The following SLIT3 variants were observed in gnomAD, a reference collection of about 807,000 sequenced individuals.
SLIT3 encodes the protein slit guidance ligand 3.
Under a neutral mutation model 184.0 loss-of-function variants are expected in SLIT3, and 68 were observed. The observed-to-expected ratio is 0.37, with a 90% CI of 0.30 to 0.45. The LOEUF is 0.45. SLIT3 is among the 20% of genes least tolerant of loss of function. The pLI, the probability that SLIT3 is intolerant of heterozygous loss-of-function variation, is 1.00. For missense variants in SLIT3, 1,707 were observed against 2,026.0 expected, an observed-to-expected ratio of 0.84 and a Z score of 3.02; for synonymous variants, 831 against 828.6, an observed-to-expected ratio of 1.00 and a Z score of -0.05.
At chr5:168,877,718 C>G (rs558779513) in intron 5 of SLIT3, among the ~76,000 whole-genome samples, 1 of 152,156 alleles carries the variant, frequency 6.6e-6, no homozygotes, top group African/African-American at 2.4e-5. Context: ...GTTTTCAAAG[C>G]GTCAATTCCA....
chr5:168,778,807 G>A (rs1755858831), intron 12 of SLIT3, among the ~76,000 whole-genome samples: 1 of 152,234 alleles, frequency 6.6e-6, no homozygotes. Flanking sequence ...ACTGACAACT[G>A]TGACATCCCA....
At chr5:168,856,800 T>TGCGCGCGCGC (rs1328584244) in intron 5 of SLIT3, among the ~76,000 whole-genome samples, 1 of 141,432 alleles carries the variant, frequency 7.1e-6, no homozygotes, top group African/African-American at 2.9e-5. Context: ...TGTGTGTGTG[T>TGCGCGCGCGC]GTGTGTGCGC....
intron 8 of SLIT3, among the ~76,000 whole-genome samples, chr5:168,814,437 C>A (rs548305175): frequency 8.6e-5 from 13 of 151,842 alleles, no homozygotes; most frequent in African/African-American, 3.1e-4. Context: ...AAACACCCCA[C>A]CATAGACAGG....
chr5:169,090,402 T>G (rs1202535558), intron 4 of SLIT3, among the ~76,000 whole-genome samples: 1 of 152,176 alleles, frequency 6.6e-6, no homozygotes, highest in Non-Finnish European at 1.5e-5. Flanking sequence ...AACTGCAGCC[T>G]GCAGAGATCA....
intron 19 of SLIT3, 79 bp downstream of exon 19, chr5:168,749,393 G>T: frequency 6.6e-7 from 1 of 1,515,864 alleles, no homozygotes; most frequent in Non-Finnish European, 9.1e-7. Flanking sequence ...ATCTCAGGGA[G>T]TATCTGATTG....
At chr5:168,733,519 C>G (rs1763346499) in intron 20 of SLIT3, among the ~76,000 whole-genome samples, 1 of 152,084 alleles carries the variant, frequency 6.6e-6, no homozygotes, top group Non-Finnish European at 1.5e-5. Context: ...TTCACGATAG[C>G]AAAGATACGG....
intron 4 of SLIT3, among the ~76,000 whole-genome samples, chr5:169,145,068 G>T (rs905876719): frequency 2.0e-5 from 3 of 152,130 alleles, no homozygotes; most frequent in Non-Finnish European, 4.4e-5. Context: ...TAAGGGCAGC[G>T]AACCTTGTGA....
At chr5:168,884,116 GGTTT>G (rs1208968825) in intron 4 of SLIT3, among the ~76,000 whole-genome samples, 3 of 140,384 alleles carry the variant, frequency 2.1e-5, no homozygotes, top group Non-Finnish European at 4.7e-5. Flanking sequence ...TTTTTTTTTT[GGTTT>G]GTTTCCCACA....
Position 169,229,924 on chromosome 5 carries a change from A to G in SLIT3, c.341+14781T>C, listed in dbSNP as rs1764940732. Among the ~76,000 whole-genome samples, 3 of 152,170 alleles carry G rather than the reference A, an allele frequency of 2.0e-5. No individual in the cohort carries two copies. In the South Asian group the frequency reaches 6.2e-4, roughly 32 times the overall value. ...AAATTCGAGGTGCCGAAGATCCTAC[A>G]GCCATTCTTCTCAATGAACCTGTGC... On this transcript the variant is annotated intron_variant, in intron 3 of 35. Transcript: ENST00000519560.
At chr5:169,097,939 C>T (rs1436861677) in intron 4 of SLIT3, among the ~76,000 whole-genome samples, 1 of 152,122 alleles carries the variant, frequency 6.6e-6, no homozygotes, top group Non-Finnish European at 1.5e-5. Flanking sequence ...AGTAGGGAAC[C>T]CCCAGGGAGC....
At chr5:169,225,330 C>A (rs1328324014) in intron 3 of SLIT3, among the ~76,000 whole-genome samples, 1 of 152,242 alleles carries the variant, frequency 6.6e-6, no homozygotes, top group Non-Finnish European at 1.5e-5. Context: ...AGCAAAATCT[C>A]TCTAACTGGA....
intron 4 of SLIT3, among the ~76,000 whole-genome samples, chr5:169,112,604 A>G (rs1385978096): frequency 6.6e-6 from 1 of 151,546 alleles, no homozygotes. Context: ...GCTGCAAGGC[A>G]TACTTTCTAG....
chr5:168,789,732 G>A (rs1581084877), intron 10 of SLIT3, 101 bp from the exon 11 acceptor site: 1 of 856,268 alleles, frequency 1.2e-6, no homozygotes, highest in Non-Finnish European at 1.9e-6. Context: ...AAATGGTAAG[G>A]ATTAATCAAT....
At chr5:168,979,659 G>T (rs1164708110) in intron 4 of SLIT3, among the ~76,000 whole-genome samples, 1 of 152,160 alleles carries the variant, frequency 6.6e-6, no homozygotes, top group Non-Finnish European at 1.5e-5. Context: ...TTAACAGAAG[G>T]GGGCTGGGGC....
intron 4 of SLIT3, among the ~76,000 whole-genome samples, chr5:169,096,544 C>A (rs1759790472): frequency 6.6e-6 from 1 of 152,274 alleles, no homozygotes; most frequent in East Asian, 1.9e-4. Context: ...TTTAATAAAA[C>A]TTTATTTACA....
chr5:168,894,346 C>A (rs538981350), intron 4 of SLIT3, among the ~76,000 whole-genome samples: 41 of 152,238 alleles, frequency 2.7e-4, no homozygotes, highest in Non-Finnish European at 5.1e-4. Context: ...TGATGCATAG[C>A]TTTAAAAAAT....
At position 169,089,618 on chromosome 5, in the gene SLIT3, C is replaced by A. The variant is rs922085826; in HGVS notation, c.413+103861G>T. ...TCCTTCACTCTGGCTGTGGGTTCAC[C>A]AGTCACACTGACCTTTCAGACCCTG... On this transcript the variant is annotated intron_variant, in intron 4 of 35. Coordinates refer to ENST00000519560, the MANE Select transcript of SLIT3 (RefSeq NM_003062.4). Among the ~76,000 whole-genome samples the A allele has an allele frequency of 4.6e-5, 7 of 152,306 alleles. No individual in the cohort carries two copies. The Middle Eastern group carries it at 0.01, about 222-fold the overall frequency.
At chr5:169,194,047 A>C (rs1763658359) in intron 3 of SLIT3, among the ~76,000 whole-genome samples, 1 of 152,084 alleles carries the variant, frequency 6.6e-6, no homozygotes, top group Admixed American at 6.5e-5. Context: ...TCATTGGGCA[A>C]CATGGTGAAA....
At chr5:168,928,743 A>G in intron 4 of SLIT3, among the ~76,000 whole-genome samples, 1 of 152,232 alleles carries the variant, frequency 6.6e-6, no homozygotes, top group East Asian at 1.9e-4. Context: ...TGTAGGTACT[A>G]CTTTACTTAA....
Sources: allele counts gnomAD v4.1 joint callset (sites outside exome capture counted in the v4.1 genomes callset), GRCh38; gene constraint gnomAD v4.1.1; transcripts MANE v1.5; gene names NCBI Gene and HGNC (gene_info 2026-07-23, HGNC 2026-07-21).